The following ZZEF1 variants were observed in gnomAD, a reference collection of about 807,000 sequenced individuals.
The protein encoded by ZZEF1 is zinc finger ZZ-type and EF-hand domain containing 1.
In ZZEF1, 157 loss-of-function variants were observed where a neutral mutation model predicts 342.8. That is an observed-to-expected ratio of 0.46 (90% CI 0.40 to 0.52). The LOEUF is 0.52. Among genes scored for constraint, ZZEF1 ranks in the 20% least tolerant of loss-of-function variants. The pLI, the probability that ZZEF1 is intolerant of heterozygous loss-of-function variation, is 0.00. For missense variants in ZZEF1, 3,480 were observed against 3,725.6 expected (o/e 0.93, Z 1.72); for synonymous variants, 1,505 against 1,429.1 (o/e 1.05, Z -1.20).
At position 4,082,334 on chromosome 17, in the gene ZZEF1, A is replaced by G. The variant is rs2057739111; in HGVS notation, c.2714+103T>C. 12 of 1,074,894 alleles carry G rather than the reference A, an allele frequency of 1.1e-5. No individual in the cohort carries two copies. In the East Asian group the frequency reaches 3.1e-4, roughly 28 times the overall value. The allele number at this position is 1,074,894 out of a possible 1,614,324, so 66.6% of individuals were successfully genotyped here. ...AAACTCGGCTTTCTAACTGAGTGGC[A>G]GGAAGTACTACTTCGAAGGCACATG... On this transcript the variant is annotated intron_variant, in intron 17 of 54. Coordinates refer to ENST00000381638, the MANE Select transcript of ZZEF1 (RefSeq NM_015113.4).
intron 12 of ZZEF1, among the ~76,000 whole-genome samples, chr17:4,089,444 T>C (rs1218635976): frequency 2.0e-5 from 3 of 152,272 alleles, no homozygotes; most frequent in Non-Finnish European, 2.9e-5. Context: ...GAGCACCTAC[T>C]ATTACGTGCC....
At chr17:4,121,914 CA>C (rs1476904480) in intron 2 of ZZEF1, among the ~76,000 whole-genome samples, 18 of 152,116 alleles carry the variant, frequency 1.2e-4, no homozygotes, top group African/African-American at 4.3e-4. Flanking sequence ...GATGGGGTCT[CA>C]CTATGCTGCC....
chr17:4,058,274 G>A, intron 31 of ZZEF1, 119 bp from the exon 32 acceptor site: 1 of 1,096,242 alleles, frequency 9.1e-7, no homozygotes, highest in Non-Finnish European at 1.3e-6. Context: ...TCACATTGCT[G>A]GTTTGGGTTC....
rs545182461 is a variant in ZZEF1, at chr17:4,099,943, G to A, written c.1672+2374C>T. On this transcript the variant is annotated intron_variant, in intron 9 of 54. Transcript: ENST00000381638. Reference sequence around the variant, plus strand: ...CAGGGAAAAAAAAAATAACCAATCAGATTTAAAGGACTTAATAAATCTACC... The same window carrying A: ...CAGGGAAAAAAAAAATAACCAATCAAATTTAAAGGACTTAATAAATCTACC... 2.0e-5 allele frequency among the ~76,000 whole-genome samples: 3 copies of A among 152,074 alleles called. No individual in the cohort carries two copies. In the East Asian group the frequency reaches 5.8e-4, roughly 29 times the overall value.
chr17:4,132,201 CTTTT>C (rs34252779), intron 1 of ZZEF1, among the ~76,000 whole-genome samples: 4 of 134,968 alleles, frequency 3.0e-5, no homozygotes, highest in Non-Finnish European at 4.9e-5. Flanking sequence ...TAAATTTTCT[CTTTT>C]TTTTTTTTTT....
intron 16 of ZZEF1, among the ~76,000 whole-genome samples, chr17:4,083,091 G>A (rs537399573): frequency 1.3e-5 from 2 of 152,218 alleles, no homozygotes; most frequent in African/African-American, 4.8e-5. Flanking sequence ...TATACTTTTT[G>A]CCATTGGACA....
intron 37 of ZZEF1, among the ~76,000 whole-genome samples, chr17:4,048,987 G>C (rs563875164): frequency 2.7e-4 from 41 of 151,806 alleles, no homozygotes; most frequent in African/African-American, 9.4e-4. Flanking sequence ...CAAAGTGCTG[G>C]GATTACAGGC....
chr17:4,039,880 A>G (rs949045360), intron 39 of ZZEF1, among the ~76,000 whole-genome samples: 46 of 151,948 alleles, frequency 3.0e-4, no homozygotes, highest in African/African-American at 4.4e-4. Flanking sequence ...TCCTGACCTC[A>G]TGATCTGCCC....
intron 11 of ZZEF1, among the ~76,000 whole-genome samples, chr17:4,092,613 G>A (rs2057966225): frequency 6.6e-6 from 1 of 152,066 alleles, no homozygotes; most frequent in African/African-American, 2.4e-5. Flanking sequence ...CCGGCAAAAT[G>A]TCCCTTCTTA....
At position 4,064,063 on chromosome 17, in the gene ZZEF1, A is replaced by AGG. The variant is rs35156991; in HGVS notation, c.4718+296_4718+297dup. ...TTTAAAAAAAATTTTTTGTAGATGGAGGGGGGGGGGTCTCACTATGTTGCC... is the reference window on the plus strand; with the variant it reads ...TTTAAAAAAAATTTTTTGTAGATGGAGGGGGGGGGGGGTCTCACTATGTTGCC... On this transcript the variant is annotated intron_variant, in intron 29 of 54. Coordinates refer to ENST00000381638, the MANE Select transcript of ZZEF1 (RefSeq NM_015113.4). Among the ~76,000 whole-genome samples the AGG allele has an allele frequency of 5.4e-3, 780 of 144,782 alleles. 6 individuals carry two copies. The highest frequency in any genetic ancestry group is 0.018 in the African/African-American group (723 of 40,006). The allele number at this position is 144,782 out of a possible 152,430, so 95.0% of individuals were successfully genotyped here.
At chr17:4,051,135 C>T (rs2057037746) in intron 35 of ZZEF1, 92 bp from the exon 36 acceptor site, 17 of 1,562,662 alleles carry the variant, frequency 1.1e-5, no homozygotes, top group Admixed American at 7.0e-5. Flanking sequence ...AGCATGTGGT[C>T]GCAACTGGGC....
chr17:4,027,897 C>T (rs1050028866), intron 42 of ZZEF1, among the ~76,000 whole-genome samples: 15 of 152,108 alleles, frequency 9.9e-5, no homozygotes, highest in Non-Finnish European at 4.4e-5. Context: ...CCAGGTTGAT[C>T]TCAAACTCCT....
intron 42 of ZZEF1, among the ~76,000 whole-genome samples, chr17:4,026,861 A>T (rs753255926): frequency 6.6e-6 from 1 of 152,158 alleles, no homozygotes; most frequent in Non-Finnish European, 1.5e-5. Flanking sequence ...TTGCTAAGAT[A>T]AAACTCAGCT....
intron 46 of ZZEF1, among the ~76,000 whole-genome samples, chr17:4,019,354 G>A (rs1395116784): frequency 6.6e-6 from 1 of 152,192 alleles, no homozygotes; most frequent in Non-Finnish European, 1.5e-5. Flanking sequence ...TTCCTGCTCT[G>A]TGCTGTCTGC....
At position 4,112,682 on chromosome 17, in the gene ZZEF1, G is replaced by A. The variant is rs747496265; in HGVS notation, c.993C>T (p.Val331=). ...CATTGCTGGGGATGTGCACATCTCGGACTTCCTGAAGATCGCTGGCATTCC... is the reference window on the plus strand; with the variant it reads ...CATTGCTGGGGATGTGCACATCTCGAACTTCCTGAAGATCGCTGGCATTCC... ...VGRNASDLQE[V]RDVHIPSNVT... The change falls in exon 5 of 55, where the codon GTC becomes GTT. Residue 331 remains valine (V), a synonymous_variant. Coordinates refer to ENST00000381638, the MANE Select transcript of ZZEF1 (RefSeq NM_015113.4). 6.2e-7 allele frequency: 1 copy of A among 1,614,216 alleles called. No individual in the cohort carries two copies.
intron 29 of ZZEF1, 68 bp from the exon 30 acceptor site, chr17:4,062,985 C>T (rs1364446964): frequency 2.0e-6 from 3 of 1,506,554 alleles, no homozygotes; most frequent in Non-Finnish European, 1.8e-6. Flanking sequence ...AAAATATCCC[C>T]GCCAAAGCCC....
At position 4,008,342 on chromosome 17, in the gene ZZEF1, G is replaced by T; in HGVS notation, c.8805+541C>A. ...GTTTTTCACAAGACGTGTTATTCAT[G>T]TTAACATGAAATGGGTTCACTACTT... On this transcript the variant is annotated intron_variant, in intron 54 of 54. Transcript: ENST00000381638. This position sits in a 1 kb window ranked among gnomAD's most constrained non-coding sequence, Gnocchi z 4.2. The T allele has an allele frequency of 4.4e-5, 7 of 158,676 alleles. No individual in the cohort carries two copies. The highest frequency in any genetic ancestry group is 2.2e-4 in the South Asian group (1 of 4,562). The allele number at this position is 158,676 out of a possible 1,614,324, so 9.8% of individuals were successfully genotyped here.
intron 18 of ZZEF1, among the ~76,000 whole-genome samples, chr17:4,080,734 C>T (rs879824163): frequency 6.6e-6 from 1 of 151,288 alleles, no homozygotes; most frequent in Non-Finnish European, 1.5e-5. Context: ...TGAAAATTCA[C>T]ACCACTAACA....
intron 30 of ZZEF1, 94 bp from the exon 31 acceptor site, chr17:4,059,384 C>T (rs2057237388): frequency 7.4e-6 from 11 of 1,492,748 alleles, no homozygotes; most frequent in Non-Finnish European, 9.8e-6. Flanking sequence ...GAGCAAGTGG[C>T]AGTCAGCTGA....
Sources: gnomAD v4.1 joint callset for allele counts (sites outside exome capture counted in the v4.1 genomes callset) on GRCh38, gnomAD v4.1.1 for gene constraint, Gnocchi (gnomAD v3.1) non-coding constraint, MANE v1.5 for transcripts, NCBI Gene and HGNC (gene_info 2026-07-23, HGNC 2026-07-21) for gene names.